Variants in KCNMA1 observed in about 807,000 individuals in gnomAD.
KCNMA1 encodes the protein potassium calcium-activated channel subfamily M alpha 1.
Under a neutral mutation model 140.0 loss-of-function variants are expected in KCNMA1, and 29 were observed. The observed-to-expected ratio is 0.21, with a 90% CI of 0.15 to 0.28. KCNMA1 has a LOEUF of 0.28. Among genes scored for constraint, KCNMA1 ranks in the 10% least tolerant of loss-of-function variants. The probability of loss-of-function intolerance (pLI) is 1.00; values close to 1 mark genes in which losing one functional copy is unlikely to be tolerated. For missense variants in KCNMA1, 880 were observed against 1,602.2 expected, an observed-to-expected ratio of 0.55 and a Z score of 7.70; for synonymous variants, 612 against 611.9, an observed-to-expected ratio of 1.00 and a Z score of 0.00.
intron 23 of KCNMA1, among the ~76,000 whole-genome samples, chr10:76,927,969 C>T (rs949406782): frequency 6.6e-5 from 10 of 152,100 alleles, no homozygotes; most frequent in African/African-American, 2.4e-4. Flanking sequence ...GAAAATGCAA[C>T]TTGGAACTCT....
chr10:77,412,913 A>T (rs963827187), intron 1 of KCNMA1, among the ~76,000 whole-genome samples: 1 of 152,084 alleles, frequency 6.6e-6, no homozygotes, highest in Admixed American at 6.5e-5. Flanking sequence ...GCTGGAGTAC[A>T]GTGGCGTGAT....
At chr10:77,067,118 G>C (rs191167669) in intron 14 of KCNMA1, among the ~76,000 whole-genome samples, 1 of 152,234 alleles carries the variant, frequency 6.6e-6, no homozygotes, top group Admixed American at 6.5e-5. Context: ...GAGGGTGGAG[G>C]GTGTTTCTGC....
At chr10:77,007,653 G>GTGTGTATATATATATATATA in intron 18 of KCNMA1, among the ~76,000 whole-genome samples, 4 of 88,482 alleles carry the variant, frequency 4.5e-5, no homozygotes, top group African/African-American at 9.0e-5. Flanking sequence ...TTGTGTGTGT[G>GTGTGTATATATATATATATA]TATATATATA....
chr10:77,044,923 G>A (rs1420240906), intron 14 of KCNMA1, among the ~76,000 whole-genome samples: 1 of 152,072 alleles, frequency 6.6e-6, no homozygotes, highest in African/African-American at 2.4e-5. Flanking sequence ...AGGATTTGCT[G>A]TGTACAAGTA....
intron 1 of KCNMA1, among the ~76,000 whole-genome samples, chr10:77,607,373 G>C (rs955795301): frequency 6.6e-6 from 1 of 152,142 alleles, no homozygotes; most frequent in Non-Finnish European, 1.5e-5. Flanking sequence ...TATATGCTGA[G>C]GTGGGCTGAA....
At chr10:77,008,288 A>G in intron 18 of KCNMA1, 1 of 1,346,446 alleles carries the variant, frequency 7.4e-7, no homozygotes. Context: ...TTTGAAGTCA[A>G]AGAAAATTCC....
chr10:77,036,595 C>A (rs138253140), intron 15 of KCNMA1, among the ~76,000 whole-genome samples: 1 of 152,190 alleles, frequency 6.6e-6, no homozygotes, highest in Non-Finnish European at 1.5e-5. Flanking sequence ...CTTTATGATA[C>A]CCAGAATATT....
chr10:77,366,255 G>A (rs1289302221), intron 2 of KCNMA1, among the ~76,000 whole-genome samples: 5 of 151,428 alleles, frequency 3.3e-5, no homozygotes, highest in Admixed American at 6.6e-5. Context: ...TGCCACCTCC[G>A]CCTCCCAGGT....
chr10:77,324,077 GC>G (rs772642885), intron 2 of KCNMA1, among the ~76,000 whole-genome samples: 8 of 152,198 alleles, frequency 5.3e-5, no homozygotes, highest in Non-Finnish European at 8.8e-5. Flanking sequence ...GGGCACAGAA[GC>G]AAAAGAGTGT....
chr10:77,636,056 T>C, intron 1 of KCNMA1: 1 of 340,466 alleles, frequency 2.9e-6, no homozygotes, highest in Non-Finnish European at 4.7e-6. Flanking sequence ...TTAACTTTAC[T>C]AGAAAAGATG....
chr10:77,048,643 G>T (rs983615120), intron 14 of KCNMA1, among the ~76,000 whole-genome samples: 2 of 152,180 alleles, frequency 1.3e-5, no homozygotes, highest in Non-Finnish European at 2.9e-5. Flanking sequence ...AACTTGGGAA[G>T]CACAGAATTT....
At position 77,295,813 on chromosome 10, in the gene KCNMA1, A is replaced by C. The variant is rs946290837; in HGVS notation, c.541-44557T>G. Among the ~76,000 whole-genome samples the C allele has an allele frequency of 1.7e-3, 257 of 150,516 alleles. 3 individuals carry two copies. Among genetic ancestry groups the C allele is most frequent in the African/African-American group, 5.7e-3 (231 of 40,822 alleles). ...AAAAAAAAAAAAAAAAAAAAAAAAA[A>C]AAAACAGTTTTCAGCTCTGGGAAGG... On this transcript the variant is annotated intron_variant, in intron 2 of 27. Coordinates refer to ENST00000286628, the MANE Select transcript of KCNMA1 (RefSeq NM_001161352.2).
intron 1 of KCNMA1, among the ~76,000 whole-genome samples, chr10:77,417,230 A>G (rs61856115): frequency 0.031 from 4,681 of 152,210 alleles, 111 homozygotes; most frequent in Non-Finnish European, 0.049. Context: ...CCAATTCCAC[A>G]TGGGACAGGT....
At chr10:77,439,197 A>G (rs1267554145) in intron 1 of KCNMA1, among the ~76,000 whole-genome samples, 1 of 152,106 alleles carries the variant, frequency 6.6e-6, no homozygotes, top group East Asian at 1.9e-4. Flanking sequence ...CAAACATACA[A>G]CAGGTTGAAA....
intron 19 of KCNMA1, among the ~76,000 whole-genome samples, chr10:76,986,829 G>A (rs1387904341): frequency 6.6e-6 from 1 of 152,160 alleles, no homozygotes; most frequent in Non-Finnish European, 1.5e-5. Context: ...CATATGGAAG[G>A]AGAAAACATC....
In KCNMA1 at chr10:77,385,787, T is replaced by C. The variant is rs188727943; in HGVS notation, c.540+18075A>G. Among the ~76,000 whole-genome samples the C allele has an allele frequency of 9.2e-5, 14 of 152,294 alleles. No homozygotes were observed. In the East Asian group the frequency reaches 2.3e-3, roughly 25 times the overall value. Reference sequence around the variant, plus strand: ...CTTGAAGTGTTTGGGCTTTAGACCTTGGAAAGCCACTGAAGGTCTCTGAGC... The same window carrying C: ...CTTGAAGTGTTTGGGCTTTAGACCTCGGAAAGCCACTGAAGGTCTCTGAGC... On this transcript the variant is annotated intron_variant, in intron 2 of 27. Coordinates refer to ENST00000286628, the MANE Select transcript of KCNMA1 (RefSeq NM_001161352.2).
chr10:77,519,495 ATTT>A (rs5786291), intron 1 of KCNMA1, among the ~76,000 whole-genome samples: 8 of 151,208 alleles, frequency 5.3e-5, no homozygotes, highest in African/African-American at 1.9e-4. Flanking sequence ...AAGATAATTG[ATTT>A]TTTTTTTGTT....
At chr10:77,318,504 G>A (rs1054742984) in intron 2 of KCNMA1, among the ~76,000 whole-genome samples, 5 of 152,060 alleles carry the variant, frequency 3.3e-5, no homozygotes, top group East Asian at 1.9e-4. Flanking sequence ...TGTAGAAGGC[G>A]GTTCACCTAT....
intron 1 of KCNMA1, among the ~76,000 whole-genome samples, chr10:77,473,094 C>T (rs1325461000): frequency 2.6e-5 from 4 of 152,226 alleles, no homozygotes; most frequent in Admixed American, 2.6e-4. Context: ...GAGGAAAACC[C>T]TTCTGTCAGT....
Sources: allele counts gnomAD v4.1 joint callset (sites outside exome capture counted in the v4.1 genomes callset), GRCh38; gene constraint gnomAD v4.1.1; transcripts MANE v1.5; gene names NCBI Gene and HGNC (gene_info 2026-07-23, HGNC 2026-07-21).